The following NRG3 variants were observed in gnomAD, a reference collection of about 807,000 sequenced individuals.
The protein encoded by NRG3 is pro-neuregulin-3, membrane-bound isoform.
NRG3 carries 31 observed loss-of-function variants against 66.9 expected under a neutral mutation model. The ratio of observed to expected loss-of-function variants is 0.46; its 90% CI spans 0.35 to 0.63. NRG3 has a LOEUF of 0.63. Ranked by LOEUF, NRG3 falls within the 20% of genes least tolerant of loss-of-function variation. NRG3 has a pLI of 0.00. For missense variants in NRG3, 910 were observed against 878.9 expected, an observed-to-expected ratio of 1.04 and a Z score of -0.45; for synonymous variants, 393 against 359.4, an observed-to-expected ratio of 1.09 and a Z score of -1.06.
rs1219853890 is a variant in NRG3, at chr10:82,345,721, G to A, written c.824-13018G>A. Among the ~76,000 whole-genome samples, 876 of 151,828 alleles carry A rather than the reference G, an allele frequency of 5.8e-3. 8 individuals carry two copies. The highest frequency in any genetic ancestry group is 0.017 in the African/African-American group (691 of 41,266). On this transcript the variant is annotated intron_variant, in intron 1 of 8. Transcript: ENST00000372141. ...GCATGGAATGTTCTTCCATTTCTTTGTATCCTCTTTTATTTCCTTGAGCAG... is the reference window on the plus strand; with the variant it reads ...GCATGGAATGTTCTTCCATTTCTTTATATCCTCTTTTATTTCCTTGAGCAG...
intron 1 of NRG3, among the ~76,000 whole-genome samples, chr10:81,986,102 G>A (rs535993517): frequency 1.3e-5 from 2 of 152,248 alleles, no homozygotes; most frequent in African/African-American, 4.8e-5. Context: ...AAAGGGCACA[G>A]TTTATTTTAT....
chr10:82,271,828 G>T (rs2078612434), intron 1 of NRG3, among the ~76,000 whole-genome samples: 1 of 152,000 alleles, frequency 6.6e-6, no homozygotes, highest in African/African-American at 2.4e-5. Flanking sequence ...TTATACCTTA[G>T]ATATTTTGGC....
intron 1 of NRG3, among the ~76,000 whole-genome samples, chr10:82,118,055 T>C (rs573082977): frequency 6.6e-6 from 1 of 152,140 alleles, no homozygotes; most frequent in South Asian, 2.1e-4. Flanking sequence ...CTCGCTATTA[T>C]TACTGTTAAG....
chr10:81,997,602 G>A (rs190483572), intron 1 of NRG3, among the ~76,000 whole-genome samples: 46 of 152,112 alleles, frequency 3.0e-4, no homozygotes, highest in Non-Finnish European at 4.6e-4. Context: ...CTAATATCTC[G>A]GAGGCTCCGT....
At chr10:82,615,598 A>T (rs1365444325) in intron 2 of NRG3, among the ~76,000 whole-genome samples, 4 of 152,206 alleles carry the variant, frequency 2.6e-5, no homozygotes, top group Admixed American at 2.6e-4. Context: ...GCAAATGTTA[A>T]AATCATTTTA....
At chr10:82,820,196 G>A (rs1229623425) in intron 3 of NRG3, among the ~76,000 whole-genome samples, 1 of 152,156 alleles carries the variant, frequency 6.6e-6, no homozygotes, top group East Asian at 1.9e-4. Context: ...TTAGAACCTA[G>A]ATCTATCAGT....
chr10:82,576,234 AC>A (rs1379021531), intron 2 of NRG3, among the ~76,000 whole-genome samples: 1 of 151,482 alleles, frequency 6.6e-6, no homozygotes, highest in Non-Finnish European at 1.5e-5. Context: ...TTATATTCCT[AC>A]ATTTTAAATA....
At chr10:81,959,860 G>A (rs1202165413) in intron 1 of NRG3, among the ~76,000 whole-genome samples, 1 of 152,162 alleles carries the variant, frequency 6.6e-6, no homozygotes, top group African/African-American at 2.4e-5. Flanking sequence ...GTGGATATAT[G>A]TAGAGTGTAA....
chr10:81,908,746 G>A (rs966738437), intron 1 of NRG3, among the ~76,000 whole-genome samples: 2 of 152,194 alleles, frequency 1.3e-5, no homozygotes, highest in African/African-American at 2.4e-5. Context: ...CAGAAGTGGG[G>A]GTCAGACAGC....
chr10:82,851,039 C>A (rs2135832057), intron 3 of NRG3, among the ~76,000 whole-genome samples: 1 of 152,166 alleles, frequency 6.6e-6, no homozygotes, highest in East Asian at 1.9e-4. Context: ...AAAAATAGAA[C>A]CGACTTTATA....
At chr10:82,562,287 C>T (rs933486919) in intron 2 of NRG3, among the ~76,000 whole-genome samples, 1 of 152,082 alleles carries the variant, frequency 6.6e-6, no homozygotes, top group Non-Finnish European at 1.5e-5. Context: ...TTTAGTGAAG[C>T]ATATAGATTT....
At chr10:81,976,478 G>A (rs535468790) in intron 1 of NRG3, among the ~76,000 whole-genome samples, 1 of 152,262 alleles carries the variant, frequency 6.6e-6, no homozygotes, top group Non-Finnish European at 1.5e-5. Context: ...AGCCTAGAAG[G>A]TTCAACAAAG....
chr10:82,490,227 G>GCAGTTCCTCTACTTCTGGCAGC (rs1842984843), intron 2 of NRG3, among the ~76,000 whole-genome samples: 2 of 152,226 alleles, frequency 1.3e-5, no homozygotes, highest in Admixed American at 6.5e-5. Flanking sequence ...ACTCAGGTTG[G>GCAGTTCCTCTACTTCTGGCAGC]CAGTTCCTCT....
intron 1 of NRG3, among the ~76,000 whole-genome samples, chr10:82,098,233 A>G (rs1455951986): frequency 6.6e-6 from 1 of 151,758 alleles, no homozygotes; most frequent in African/African-American, 2.4e-5. Flanking sequence ...ACACAGACAT[A>G]TAGATGTCAT....
chr10:82,092,786 G>C lies in NRG3; in HGVS notation c.823+216623G>C, dbSNP rs911402936. 5.9e-5 allele frequency among the ~76,000 whole-genome samples: 9 copies of C among 152,196 alleles called. No individual in the cohort carries two copies. The East Asian group carries it at 1.7e-3, about 29-fold the overall frequency. ...AGTCAGGGCATTTTCTTGCAGCCCA[G>C]TGTAAAAGATCCAGGTTCTTGAAGA... On this transcript the variant is annotated intron_variant, in intron 1 of 8. Coordinates refer to ENST00000372141, the MANE Select transcript of NRG3 (RefSeq NM_001010848.4).
intron 2 of NRG3, among the ~76,000 whole-genome samples, chr10:82,417,182 T>TA (rs2088642165): frequency 6.6e-6 from 1 of 152,170 alleles, no homozygotes; most frequent in Non-Finnish European, 1.5e-5. Flanking sequence ...TCTCCAAAAT[T>TA]AAAGTAACAA....
intron 3 of NRG3, among the ~76,000 whole-genome samples, chr10:82,814,601 C>T (rs992019749): frequency 2.0e-5 from 3 of 152,166 alleles, no homozygotes; most frequent in Non-Finnish European, 4.4e-5. Flanking sequence ...ACAGCTACTT[C>T]TGACCCATGA....
chr10:82,405,302 G>A (rs1319013446), intron 2 of NRG3, among the ~76,000 whole-genome samples: 4 of 152,104 alleles, frequency 2.6e-5, no homozygotes, highest in South Asian at 2.1e-4. Flanking sequence ...ACCCTGTGCT[G>A]AGAGTGGCAT....
chr10:82,823,101 C>T (rs1481831228), intron 3 of NRG3, among the ~76,000 whole-genome samples: 2 of 152,144 alleles, frequency 1.3e-5, no homozygotes, highest in African/African-American at 4.8e-5. Flanking sequence ...CTGACACTTG[C>T]ATTTACATCA....
Sources: allele counts gnomAD v4.1 joint callset (sites outside exome capture counted in the v4.1 genomes callset), GRCh38; gene constraint gnomAD v4.1.1; transcripts MANE v1.5; gene names NCBI Gene and HGNC (gene_info 2026-07-23, HGNC 2026-07-21).